Variants in RNF216 observed in about 807,000 individuals in gnomAD.
RNF216 encodes the protein E3 ubiquitin-protein ligase RNF216.
RNF216 carries 72 observed loss-of-function variants against 110.8 expected under a neutral mutation model. The ratio of observed to expected loss-of-function variants is 0.65; its 90% confidence interval spans 0.54 to 0.79. The LOEUF (loss-of-function observed/expected upper bound fraction) is 0.79, where lower values mean the gene tolerates loss of function less well. Ranked by LOEUF, RNF216 falls within the 30% of genes least tolerant of loss-of-function variation. The pLI, the probability that RNF216 is intolerant of heterozygous loss-of-function variation, is 0.00. For synonymous variants in RNF216, 495 were observed against 407.5 expected (o/e 1.21, Z -2.59); for missense variants, 1,342 against 1,141.2 (o/e 1.18, Z -2.54).
At chr7:5,743,336 C>A (rs1794867534) in intron 3 of RNF216, among the ~76,000 whole-genome samples, 1 of 152,056 alleles carries the variant, frequency 6.6e-6, no homozygotes, top group Non-Finnish European at 1.5e-5. Flanking sequence ...TCATACTGTT[C>A]TATAAACTCT....
At chr7:5,690,466 G>A (rs1381439077) in intron 13 of RNF216, among the ~76,000 whole-genome samples, 3 of 152,100 alleles carry the variant, frequency 2.0e-5, no homozygotes, top group Non-Finnish European at 2.9e-5. Flanking sequence ...TAAAGACCTG[G>A]AATCTATCAG....
At chr7:5,690,715 G>A (rs775737556) in intron 13 of RNF216, among the ~76,000 whole-genome samples, 1 of 152,170 alleles carries the variant, frequency 6.6e-6, no homozygotes, top group Non-Finnish European at 1.5e-5. Flanking sequence ...GGGCTAGTGA[G>A]AGGTAGAGTG....
intron 1 of RNF216, among the ~76,000 whole-genome samples, chr7:5,772,027 AG>A (rs1796525805): frequency 6.6e-6 from 1 of 152,326 alleles, no homozygotes; most frequent in African/African-American, 2.4e-5. Context: ...TGAGCTCAGG[AG>A]TTCGAGACCA....
rs1311172625 is a variant in RNF216 at position 5,711,893 on chromosome 7, G to C, written c.1983-54C>G. The C allele has an allele frequency of 2.7e-6, 4 of 1,506,306 alleles. No homozygotes were observed. The East Asian group carries it at 9.0e-5, about 34-fold the overall frequency. The allele number at this position is 1,506,306 out of a possible 1,614,324, so 93.3% of individuals were successfully genotyped here. A position where few individuals can be genotyped will look rare whatever the true frequency, so the allele number is the denominator to read the frequency against. On this transcript the variant is annotated intron_variant, in intron 12 of 16. Transcript: ENST00000389902. ...ACTTCAAACATTAAAGCCTGATCTG[G>C]TTCCAGCTCCATGTGGCTGTTCATA...
intron 9 of RNF216, among the ~76,000 whole-genome samples, chr7:5,719,981 A>G (rs1158005676): frequency 6.6e-6 from 1 of 152,350 alleles, no homozygotes; most frequent in Middle Eastern, 3.4e-3. Context: ...AAAACTTGGT[A>G]AAGTAATTTT....
chr7:5,662,979 T>TA (rs1240184062), intron 13 of RNF216, among the ~76,000 whole-genome samples: 1 of 152,132 alleles, frequency 6.6e-6, no homozygotes, highest in East Asian at 1.9e-4. Context: ...CCACACCCCC[T>TA]ATGCCCTCAA....
At chr7:5,719,739 C>A (rs926148781) in intron 9 of RNF216, among the ~76,000 whole-genome samples, 3 of 152,176 alleles carry the variant, frequency 2.0e-5, no homozygotes, top group African/African-American at 7.2e-5. Flanking sequence ...ATAATCACTT[C>A]ATTCATTTTT....
intron 5 of RNF216, among the ~76,000 whole-genome samples, chr7:5,738,313 A>C (rs1291290510): frequency 2.0e-5 from 3 of 152,080 alleles, no homozygotes; most frequent in Non-Finnish European, 4.4e-5. Context: ...GCAGCCTTGA[A>C]TTCCTGGACT....
intron 13 of RNF216, among the ~76,000 whole-genome samples, chr7:5,653,158 C>T (rs976056889): frequency 1.4e-5 from 2 of 146,884 alleles, no homozygotes; most frequent in Non-Finnish European, 3.1e-5. Context: ...GCTCATCACT[C>T]ATCGGCATGG....
chr7:5,652,893 C>T (rs1394229892), intron 13 of RNF216, among the ~76,000 whole-genome samples: 4 of 152,202 alleles, frequency 2.6e-5, no homozygotes, highest in African/African-American at 9.6e-5. Flanking sequence ...GGAAGTGTTG[C>T]TCCCATCACT....
chr7:5,639,061 T>C lies in RNF216; in HGVS notation c.2382+2093A>G, dbSNP rs947562159. ...ACAGACATTCTGGCTGGGTCTGTGA[T>C]GGCTACTTCTTCCCGTCTCACTTGC... On this transcript the variant is annotated intron_variant, in intron 15 of 16. Coordinates refer to ENST00000389902, the MANE Select transcript of RNF216 (RefSeq NM_207111.4). Among the ~76,000 whole-genome samples, 5 of 152,218 alleles carry C rather than the reference T, an allele frequency of 3.3e-5. No homozygotes were observed. In the South Asian group the frequency reaches 8.3e-4, roughly 25 times the overall value.
intron 1 of RNF216, among the ~76,000 whole-genome samples, chr7:5,774,547 C>T (rs6944358): frequency 0.39 from 59,350 of 152,104 alleles, 12,429 homozygotes; most frequent in Admixed American, 0.48. Flanking sequence ...TGACATTGTG[C>T]TATTTTTATT....
intron 10 of RNF216, 74 bp from the exon 11 acceptor site, chr7:5,715,264 T>A: frequency 1.4e-6 from 2 of 1,478,746 alleles, no homozygotes; most frequent in Non-Finnish European, 1.8e-6. Context: ...CCCATCCTCA[T>A]CTCTCTGCCA....
At chr7:5,646,151 T>G (rs75515388) in intron 14 of RNF216, among the ~76,000 whole-genome samples, 2,246 of 152,140 alleles carry the variant, frequency 0.015, 48 homozygotes, top group African/African-American at 0.051. Context: ...CTGAGAAGAG[T>G]CTAGAAATCA....
At chr7:5,630,323 C>A (rs1042899094) in intron 15 of RNF216, among the ~76,000 whole-genome samples, 1 of 152,146 alleles carries the variant, frequency 6.6e-6, no homozygotes, top group African/African-American at 2.4e-5. Context: ...ACCCCCACTA[C>A]CTAACCTGGA....
intron 14 of RNF216, among the ~76,000 whole-genome samples, chr7:5,642,050 A>G (rs1181037506): frequency 2.0e-5 from 3 of 150,954 alleles, no homozygotes; most frequent in African/African-American, 4.9e-5. Context: ...AAAAAAGAAA[A>G]AAAAAAAGAA....
At chr7:5,657,177 G>C (rs1788799717) in intron 13 of RNF216, among the ~76,000 whole-genome samples, 1 of 152,222 alleles carries the variant, frequency 6.6e-6, no homozygotes. Context: ...CACTCTCTAG[G>C]GGGAGAGAAG....
intron 13 of RNF216, among the ~76,000 whole-genome samples, chr7:5,684,094 CTTTTTTTT>C (rs10608511): frequency 2.3e-4 from 14 of 61,846 alleles, no homozygotes; most frequent in Admixed American, 6.6e-4. Flanking sequence ...GCTGGGCCTT[CTTTTTTTT>C]TTTTTTTTTT....
intron 14 of RNF216, among the ~76,000 whole-genome samples, chr7:5,645,199 G>A (rs1787982472): frequency 6.6e-6 from 1 of 152,018 alleles, no homozygotes; most frequent in Non-Finnish European, 1.5e-5. Flanking sequence ...TGACTCTGAT[G>A]TGTCGTGGTG....
Sources: gnomAD v4.1 joint callset for allele counts (sites outside exome capture counted in the v4.1 genomes callset) on GRCh38, gnomAD v4.1.1 for gene constraint, MANE v1.5 for transcripts, NCBI Gene and HGNC (gene_info 2026-07-23, HGNC 2026-07-21) for gene names.